The following GCN1 variants were observed in gnomAD, a reference collection of about 807,000 sequenced individuals.
GCN1 encodes stalled ribosome sensor GCN1.
In GCN1, 90 loss-of-function variants were observed where a neutral mutation model predicts 288.4. The ratio of observed to expected loss-of-function variants is 0.31; its 90% confidence interval spans 0.26 to 0.37. The LOEUF (loss-of-function observed/expected upper bound fraction) is 0.37, where lower values mean the gene tolerates loss of function less well. Among genes scored for constraint, GCN1 ranks in the 10% least tolerant of loss-of-function variants. The pLI, the probability that GCN1 is intolerant of heterozygous loss-of-function variation, is 1.00. For missense variants in GCN1, 2,586 were observed against 3,419.9 expected (o/e 0.76, Z 6.08); for synonymous variants, 1,386 against 1,420.2 (o/e 0.98, Z 0.54).
chr12:120,189,948 C>A (rs1285294652), intron 2 of GCN1, among the ~76,000 whole-genome samples: 1 of 151,888 alleles, frequency 6.6e-6, no homozygotes, highest in Non-Finnish European at 1.5e-5. Context: ...CCACTGCACT[C>A]CAGCCTGGGT....
chr12:120,183,582 A>G lies in GCN1; in HGVS notation c.413T>C (p.Ile138Thr). 6.2e-7 allele frequency: 1 copy of G among 1,604,266 alleles called. No homozygotes were observed. Among genetic ancestry groups the G allele is most frequent in the Non-Finnish European group, 8.5e-7 (1 of 1,170,950 alleles). The change falls in exon 5 of 58, where the codon ATC becomes ACC. Residue 138 changes from isoleucine (I) to threonine (T), a missense_variant. Around this residue, in one of 8 missense-constraint regions of GCN1, gnomAD observed 913 missense variants for 1,107.0 expected, o/e 0.82. Coordinates refer to ENST00000300648, the MANE Select transcript of GCN1 (RefSeq NM_006836.2). ...FPSRAKRQGD[I>T]WNKLVEVQCL... ...CAGGGAACCTACCAGTTTGTTCCAG[A>G]TGTCTCCTTGTCGCTTGGCTCTCGA...
chr12:120,175,091 C>T (rs1878435631), intron 12 of GCN1, 71 bp downstream of exon 12: 2 of 1,357,182 alleles, frequency 1.5e-6, no homozygotes, highest in East Asian at 2.3e-5. Flanking sequence ...GGCACCACTG[C>T]ACTCTATCCT....
rs890842740 is a variant in GCN1 at position 120,158,245 on chromosome 12, G to A, written c.2905+215C>T. ...GCCAAACACTGCCCAGTTCCAGGAT[G>A]TGAGAGTTAAAACAGAGATGGGGAC... On this transcript the variant is annotated intron_variant, in intron 25 of 57. Transcript: ENST00000300648. The surrounding 1 kb of genome is among the most constrained non-coding windows in gnomAD (Gnocchi z 4.3). Among the ~76,000 whole-genome samples the A allele has an allele frequency of 2.0e-5, 3 of 152,240 alleles. No individual in the cohort carries two copies. The highest frequency in any genetic ancestry group is 2.1e-4 in the South Asian group (1 of 4,838).
chr12:120,134,476 G>T lies in GCN1; in HGVS notation c.7202+57C>A. Reference sequence around the variant, plus strand: ...CACCCCTCCTGCCAGCGCAGGCTCGGCCCACAGCAACCCCTGGCCTCCTGG... The same window carrying T: ...CACCCCTCCTGCCAGCGCAGGCTCGTCCCACAGCAACCCCTGGCCTCCTGG... On this transcript the variant is annotated intron_variant, in intron 52 of 57. Coordinates refer to ENST00000300648, the MANE Select transcript of GCN1 (RefSeq NM_006836.2). This position sits in a 1 kb window ranked among gnomAD's most constrained non-coding sequence, Gnocchi z 5.0. 6.3e-7 allele frequency: 1 copy of T among 1,596,312 alleles called. No individual in the cohort carries two copies. The highest frequency in any genetic ancestry group is 8.6e-7 in the Non-Finnish European group (1 of 1,164,596).
At chr12:120,167,352 C>CAAAAAAA (rs58505091) in intron 16 of GCN1, among the ~76,000 whole-genome samples, 2 of 73,038 alleles carry the variant, frequency 2.7e-5, no homozygotes, top group African/African-American at 4.6e-5. Flanking sequence ...AACTCCATCT[C>CAAAAAAA]AAAAAAAAAA....
chr12:120,164,185 T>C, intron 18 of GCN1, 151 bp downstream of exon 18: 1 of 635,752 alleles, frequency 1.6e-6, no homozygotes, highest in Non-Finnish European at 2.8e-6. Flanking sequence ...ATGAAAGATG[T>C]TACTGGAGCT....
rs59965336 is a variant in GCN1, at chr12:120,163,014, C to A, written c.2039-43G>T. ...TCTTTGAGGCCTTCTGCCTGGCCTG[C>A]TCTTACCCCATCCCCTAAAGCTCTG... On this transcript the variant is annotated intron_variant, in intron 19 of 57. Coordinates refer to ENST00000300648, the MANE Select transcript of GCN1 (RefSeq NM_006836.2). 3,448 of 1,613,646 alleles carry A rather than the reference C, an allele frequency of 2.1e-3. 45 individuals carry two copies. The African/African-American group carries it at 0.037, about 18-fold the overall frequency.
chr12:120,131,809 G>A (rs1876834130), intron 54 of GCN1, 117 bp downstream of exon 54: 1 of 698,082 alleles, frequency 1.4e-6, no homozygotes, highest in Admixed American at 2.2e-5. Flanking sequence ...GGATTCCCAA[G>A]GAAAGGACAG....
chr12:120,138,922 A>C lies in GCN1; in HGVS notation c.5995-66T>G, dbSNP rs76597709. The stretch of plus-strand genomic sequence containing the variant: ...CAAAGAAGGAGCAGAAGCAGACAAG[A>C]AGCACAGGCAGGGGACTCTGACCCA... On this transcript the variant is annotated intron_variant, in intron 45 of 57. Coordinates refer to ENST00000300648, the MANE Select transcript of GCN1 (RefSeq NM_006836.2). 63 of 1,450,918 alleles carry C rather than the reference A, an allele frequency of 4.3e-5. No homozygotes were observed. In the East Asian group the frequency reaches 1.1e-3, roughly 26 times the overall value. The allele number at this position is 1,450,918 out of a possible 1,614,324, so 89.9% of individuals were successfully genotyped here. A position where few individuals can be genotyped will look rare whatever the true frequency, so the allele number is the denominator to read the frequency against.
chr12:120,167,291 G>A (rs774983147), intron 16 of GCN1, among the ~76,000 whole-genome samples: 1 of 150,372 alleles, frequency 6.7e-6, no homozygotes, highest in Non-Finnish European at 1.5e-5. Context: ...GGGAGAGGTT[G>A]CGGTGGGCTG....
In GCN1 at chr12:120,156,805, C is replaced by T. The variant is rs190182115; in HGVS notation, c.3168+107G>A. 2.4e-5 allele frequency: 24 copies of T among 982,070 alleles called. No homozygotes were observed. In the African/African-American group the frequency reaches 3.3e-4, roughly 14 times the overall value. 60.8% of individuals were successfully genotyped at this position (982,070 alleles called of 1,614,324 possible). On this transcript the variant is annotated intron_variant, in intron 27 of 57. Transcript: ENST00000300648. The surrounding 1 kb of genome is among the most constrained non-coding windows in gnomAD (Gnocchi z 5.8). ...TCTAAAGCAGTCTTTCTACCAAAGTCCAAAAGTAAGGGCTGAAAGGAAACT... is the reference window on the plus strand; with the variant it reads ...TCTAAAGCAGTCTTTCTACCAAAGTTCAAAAGTAAGGGCTGAAAGGAAACT...
In GCN1 at chr12:120,173,652, C is replaced by T. The variant is rs1361322226; in HGVS notation, c.1366+1G>A. Reference sequence around the variant, plus strand: ...GACACTAGCCCTGGGAGTTGTCTTACCCCGGTAAGAGGCCAACATGCACTG... The same window carrying T: ...GACACTAGCCCTGGGAGTTGTCTTATCCCGGTAAGAGGCCAACATGCACTG... On this transcript the variant is annotated splice_donor_variant, in intron 14 of 57. Coordinates refer to ENST00000300648, the MANE Select transcript of GCN1 (RefSeq NM_006836.2). LOFTEE classifies it high-confidence loss of function. The T allele has an allele frequency of 6.3e-7, 1 of 1,595,276 alleles. No individual in the cohort carries two copies. The highest frequency in any genetic ancestry group is 1.3e-5 in the African/African-American group (1 of 74,712).
At chr12:120,149,532 G>A in intron 36 of GCN1, 74 bp downstream of exon 36, 1 of 1,026,432 alleles carries the variant, frequency 9.7e-7, no homozygotes, top group Non-Finnish European at 1.5e-6. Context: ...AAGAGCTGTG[G>A]CTACCCAGGA....
chr12:120,168,281 G>A lies in GCN1; in HGVS notation c.1539C>T (p.Phe513=), dbSNP rs984477828. The A allele has an allele frequency of 6.2e-7, 1 of 1,606,188 alleles. No individual in the cohort carries two copies. Among genetic ancestry groups the A allele is most frequent in the Non-Finnish European group, 8.5e-7 (1 of 1,172,742 alleles). ...TTTTCTCATCCACAATCAACTGCCA[G>A]AAACTGCTCAGTTTGGCCTCTGCAA... ...DSQAEAKLSS[F]WQLIVDEKKQ... The change falls in exon 16 of 58, where the codon TTC becomes TTT. Residue 513 remains phenylalanine, a synonymous_variant. Coordinates refer to ENST00000300648, the MANE Select transcript of GCN1 (RefSeq NM_006836.2).
Position 120,129,285 on chromosome 12 carries a change from C to T in GCN1, c.7881G>A (p.Glu2627=). 6.2e-7 allele frequency: 1 copy of T among 1,613,506 alleles called. No individual in the cohort carries two copies. Among genetic ancestry groups the T allele is most frequent in the South Asian group, 1.1e-5 (1 of 91,062 alleles). Residue 2627 remains glutamate, a synonymous_variant, in exon 57 of 58, where the codon GAG becomes GAA. Coordinates refer to ENST00000300648, the MANE Select transcript of GCN1 (RefSeq NM_006836.2). ...VNLLKMRQGE[E]VFQSLSKILD... ...CCCCCCAGGCTCCCACCTGAAACAC[C>T]TCTTCACCCTGCCGCATCTTGAGGA...
intron 21 of GCN1, 42 bp downstream of exon 21, chr12:120,161,838 C>A: frequency 6.3e-7 from 1 of 1,590,274 alleles, no homozygotes; most frequent in South Asian, 1.1e-5. Flanking sequence ...AAAACTATGC[C>A]TTGGGGAGCA....
At chr12:120,179,036 A>AG in intron 5 of GCN1, 86 bp from the exon 6 acceptor site, 1 of 1,095,614 alleles carries the variant, frequency 9.1e-7, no homozygotes, top group South Asian at 1.4e-5. Flanking sequence ...GACCTCCATC[A>AG]GACCCTCCAA....
chr12:120,174,566 G>A lies in GCN1; in HGVS notation c.1094-397C>T, dbSNP rs906064232. Among the ~76,000 whole-genome samples the A allele has an allele frequency of 2.0e-5, 3 of 152,038 alleles. 1 individual carries two copies. Among genetic ancestry groups the A allele is most frequent in the African/African-American group, 7.2e-5 (3 of 41,396 alleles). ...CCAGCACTTTGGGAGGCTGAGGCAG[G>A]TGCATCATGAGGTCAAGATCGAGAC... On this transcript the variant is annotated intron_variant, in intron 12 of 57. Transcript: ENST00000300648.
Position 120,127,692 on chromosome 12 carries a change from G to C in GCN1, c.*157C>G. 6.1e-6 allele frequency: 5 copies of C among 823,022 alleles called. No homozygotes were observed. In the South Asian group the frequency reaches 8.4e-5, roughly 14 times the overall value. The allele number at this position is 823,022 out of a possible 1,614,324, so 51.0% of individuals were successfully genotyped here. A position where few individuals can be genotyped will look rare whatever the true frequency, so the allele number is the denominator to read the frequency against. On this transcript the variant is annotated 3_prime_UTR_variant, in exon 58 of 58. Coordinates refer to ENST00000300648, the MANE Select transcript of GCN1 (RefSeq NM_006836.2). ...TGGAGGAGGCAATTTTCAGTTGTGTGTGGGTTTGATTTAAGGCTTTGGCTG... is the reference window on the plus strand; with the variant it reads ...TGGAGGAGGCAATTTTCAGTTGTGTCTGGGTTTGATTTAAGGCTTTGGCTG...
Sources: allele counts gnomAD v4.1 joint callset (sites outside exome capture counted in the v4.1 genomes callset), GRCh38; gene constraint gnomAD v4.1.1; regional missense constraint gnomAD v4.1.1; non-coding constraint Gnocchi (gnomAD v3.1); transcripts MANE v1.5; gene names NCBI Gene and HGNC (gene_info 2026-07-23, HGNC 2026-07-21).